Variants in DSCAML1 observed in about 807,000 individuals in gnomAD.
DSCAML1 encodes the protein cell adhesion molecule DSCAML1.
DSCAML1 carries 38 observed loss-of-function variants against 200.5 expected under a neutral mutation model. The observed-to-expected ratio is 0.19, with a 90% confidence interval of 0.15 to 0.25. The LOEUF (loss-of-function observed/expected upper bound fraction) is 0.25. DSCAML1 is among the 10% of genes least tolerant of loss of function. DSCAML1 has a pLI of 1.00. For synonymous variants in DSCAML1, 1,215 were observed against 1,165.0 expected, an observed-to-expected ratio of 1.04 and a Z score of -0.87; for missense variants, 2,223 against 2,858.8, an observed-to-expected ratio of 0.78 and a Z score of 5.07.
At chr11:117,658,584 G>A (rs898387920) in intron 3 of DSCAML1, among the ~76,000 whole-genome samples, 1 of 152,158 alleles carries the variant, frequency 6.6e-6, no homozygotes, top group African/African-American at 2.4e-5. Flanking sequence ...ACAGTATGTG[G>A]ATCCATGGGT....
intron 3 of DSCAML1, among the ~76,000 whole-genome samples, chr11:117,694,217 A>G (rs959507412): frequency 4.6e-5 from 7 of 151,872 alleles, no homozygotes; most frequent in African/African-American, 1.7e-4. Flanking sequence ...AGCCTGGCCA[A>G]CATGGCGGAA....
Position 117,698,360 on chromosome 11 carries a change from T to C in DSCAML1, c.511+78431A>G, listed in dbSNP as rs79859199. ...TCTGAGCCTATGATGTCTGGGCCTT[T>C]AGCAGCTCCACTAAAGGCCCAGACT... is the stretch of plus-strand genomic sequence containing the variant. On this transcript the variant is annotated intron_variant, in intron 3 of 32. Coordinates refer to ENST00000651296, the MANE Select transcript of DSCAML1 (RefSeq NM_020693.4). Among the ~76,000 whole-genome samples, 1,080 of 152,298 alleles carry C rather than the reference T, an allele frequency of 7.1e-3. 8 individuals carry two copies. The highest frequency in any genetic ancestry group is 0.012 in the Non-Finnish European group (825 of 68,038).
chr11:117,738,730 ACCGT>A, intron 3 of DSCAML1, among the ~76,000 whole-genome samples: 1 of 151,366 alleles, frequency 6.6e-6, no homozygotes. Flanking sequence ...AACTTTCATG[ACCGT>A]CTGCTGGCAG....
intron 3 of DSCAML1, among the ~76,000 whole-genome samples, chr11:117,656,021 C>T (rs1015808463): frequency 6.6e-6 from 1 of 152,198 alleles, no homozygotes; most frequent in African/African-American, 2.4e-5. Context: ...GCGGGCAGAT[C>T]ACGAGGTCAG....
rs780388527 is a variant in DSCAML1, at chr11:117,435,580, G to A, written c.4876+64C>T. On this transcript the variant is annotated intron_variant, in intron 27 of 32. Coordinates refer to ENST00000651296, the MANE Select transcript of DSCAML1 (RefSeq NM_020693.4). The stretch of plus-strand genomic sequence containing the variant: ...CAGATGGTGCTGTGAGCCAGGGAAG[G>A]GGGGGGACAATGTGGCTGAGAGCCA... The A allele has an allele frequency of 2.2e-4, 332 of 1,524,618 alleles. No homozygotes were observed. In the East Asian group the frequency reaches 2.5e-3, roughly 11 times the overall value. 94.4% of individuals were successfully genotyped at this position (1,524,618 alleles called of 1,614,324 possible).
Position 117,518,480 on chromosome 11 carries a change from C to T in DSCAML1, c.1496G>A (p.Arg499Gln), listed in dbSNP as rs1484664737. ...NLVGSAEYQA[R>Q]INVRGPPSIR... ...TAGACAGGCACCTCTTACGTTTATT[C>T]GCGCCTGATATTCAGCACTGCCCAC... The change falls in exon 7 of 33, where the codon CGA (arginine) becomes CAA (glutamine). Residue 499 changes from arginine to glutamine, a missense_variant. Physicochemically the swap from Arg to Gln is conservative, Grantham distance 43. Coordinates refer to ENST00000651296, the MANE Select transcript of DSCAML1 (RefSeq NM_020693.4). The surrounding 1 kb of genome is among the most constrained non-coding windows in gnomAD (Gnocchi z 6.3). 4 of 1,614,184 alleles carry T rather than the reference C, an allele frequency of 2.5e-6. No individual in the cohort carries two copies. The highest frequency in any genetic ancestry group is 3.4e-6 in the Non-Finnish European group (4 of 1,180,036).
chr11:117,533,572 C>T (rs1302478509), intron 3 of DSCAML1, among the ~76,000 whole-genome samples: 1 of 152,230 alleles, frequency 6.6e-6, no homozygotes, highest in African/African-American at 2.4e-5. Context: ...GTGAAGAGGA[C>T]AGGCACGGTG....
At chr11:117,709,792 G>A (rs2053814070) in intron 3 of DSCAML1, 1 of 454,212 alleles carries the variant, frequency 2.2e-6, no homozygotes, top group Non-Finnish European at 4.4e-6. Flanking sequence ...GAGCGGCTGT[G>A]AAAAAGAATG....
At chr11:117,436,796 C>A (rs1300716962) in intron 26 of DSCAML1, among the ~76,000 whole-genome samples, 5 of 152,190 alleles carry the variant, frequency 3.3e-5, no homozygotes, top group Non-Finnish European at 1.5e-5. Flanking sequence ...AGGACCTCAA[C>A]CACACCTCTA....
chr11:117,618,027 CTCA>C (rs2051849023), intron 3 of DSCAML1, among the ~76,000 whole-genome samples: 1 of 152,236 alleles, frequency 6.6e-6, no homozygotes, highest in Non-Finnish European at 1.5e-5. Context: ...CTCCCTCTCT[CTCA>C]TCTATGCTAC....
At chr11:117,485,084 G>A (rs2049016500) in intron 11 of DSCAML1, among the ~76,000 whole-genome samples, 1 of 152,172 alleles carries the variant, frequency 6.6e-6, no homozygotes, top group African/African-American at 2.4e-5. Flanking sequence ...CATGCCTCTG[G>A]CTGGGTGCTG....
At chr11:117,512,476 G>A (rs989473576) in intron 8 of DSCAML1, among the ~76,000 whole-genome samples, 2 of 152,202 alleles carry the variant, frequency 1.3e-5, no homozygotes, top group Admixed American at 6.5e-5. Flanking sequence ...GGATGAGGGG[G>A]CCTGAGCTTT....
rs1258360707 is a variant in DSCAML1 at position 117,512,029 on chromosome 11, C to CA, written c.1783+4437dup. 2.0e-5 allele frequency among the ~76,000 whole-genome samples: 3 copies of CA among 152,238 alleles called. No individual in the cohort carries two copies. In the East Asian group the frequency reaches 5.8e-4, roughly 29 times the overall value. On this transcript the variant is annotated intron_variant, in intron 8 of 32. Coordinates refer to ENST00000651296, the MANE Select transcript of DSCAML1 (RefSeq NM_020693.4). ...CAAGCAGTCCCAGAAGGAATGGAGT[C>CA]AGCAGTTGTTTTTCCGGCTCATGGA...
chr11:117,451,576 C>A (rs1308298990), intron 19 of DSCAML1, among the ~76,000 whole-genome samples: 1 of 152,208 alleles, frequency 6.6e-6, no homozygotes, highest in Non-Finnish European at 1.5e-5. Flanking sequence ...GTAATCCCAG[C>A]ACTTTGGGAA....
intron 3 of DSCAML1, among the ~76,000 whole-genome samples, chr11:117,683,280 CAG>C (rs1328537519): frequency 6.6e-6 from 1 of 152,218 alleles, no homozygotes; most frequent in Non-Finnish European, 1.5e-5. Flanking sequence ...GCACAGAAGA[CAG>C]AGCACGGTTG....
chr11:117,456,434 C>A (rs1034440094), intron 19 of DSCAML1, among the ~76,000 whole-genome samples: 1 of 152,034 alleles, frequency 6.6e-6, no homozygotes, highest in Admixed American at 6.5e-5. Flanking sequence ...TATACGGAGA[C>A]AAGAAAGCCT....
At chr11:117,798,620 C>T (rs1315660427), upstream of DSCAML1, among the ~76,000 whole-genome samples, 1 of 152,134 alleles carries the variant, frequency 6.6e-6, no homozygotes, top group Non-Finnish European at 1.5e-5. Flanking sequence ...CCCTTCCCCT[C>T]CCCTCCCCCA....
At chr11:117,440,077 A>C (rs1222868048) in intron 21 of DSCAML1, 141 bp from the exon 22 acceptor site, 1 of 675,046 alleles carries the variant, frequency 1.5e-6, no homozygotes, top group East Asian at 2.6e-5. Context: ...GGTGAGGGGT[A>C]GGTGTCAGGG....
intron 1 of DSCAML1, among the ~76,000 whole-genome samples, chr11:117,813,134 C>T (rs556041419): frequency 1.6e-4 from 24 of 152,294 alleles, no homozygotes; most frequent in African/African-American, 5.8e-4. Context: ...TAAAAACACA[C>T]CTCACCAAGC....
Sources: gnomAD v4.1 joint callset for allele counts (sites outside exome capture counted in the v4.1 genomes callset) on GRCh38, gnomAD v4.1.1 for gene constraint, Gnocchi (gnomAD v3.1) non-coding constraint, MANE v1.5 for transcripts, NCBI Gene and HGNC (gene_info 2026-07-23, HGNC 2026-07-21) for gene names.